The following EYS variants were observed in gnomAD, a reference collection of about 807,000 sequenced individuals.
EYS encodes the protein protein eyes shut homolog.
A neutral mutation model predicts 282.1 loss-of-function variants in EYS; 250 were observed. That is an observed-to-expected ratio of 0.89 (90% confidence interval 0.80 to 0.98). The LOEUF (loss-of-function observed/expected upper bound fraction) is 0.98. Among genes scored for constraint, EYS ranks in the 50% least tolerant of loss-of-function variants. EYS has a pLI of 0.00. For synonymous variants in EYS, 1,355 were observed against 1,282.9 expected, an observed-to-expected ratio of 1.06 and a Z score of -1.20; for missense variants, 4,016 against 3,709.0, an observed-to-expected ratio of 1.08 and a Z score of -2.15.
At chr6:63,769,939 T>C (rs1769889832) in intron 40 of EYS, among the ~76,000 whole-genome samples, 1 of 152,066 alleles carries the variant, frequency 6.6e-6, no homozygotes, top group Non-Finnish European at 1.5e-5. Flanking sequence ...ATCATTCACT[T>C]ACTAAACATT....
intron 10 of EYS, among the ~76,000 whole-genome samples, chr6:65,336,319 A>G (rs771991250): frequency 2.6e-5 from 4 of 151,594 alleles, no homozygotes; most frequent in Non-Finnish European, 4.4e-5. Flanking sequence ...GCTTTCATTT[A>G]TTTGTTGAAA....
intron 24 of EYS, among the ~76,000 whole-genome samples, chr6:64,611,662 G>A (rs1767120171): frequency 6.6e-6 from 1 of 152,108 alleles, no homozygotes; most frequent in African/African-American, 2.4e-5. Context: ...ACCCGAATAA[G>A]AGCATTATTG....
At chr6:63,979,091 A>G (rs114448922) in intron 35 of EYS, among the ~76,000 whole-genome samples, 3,448 of 152,076 alleles carry the variant, frequency 0.023, 102 homozygotes, top group African/African-American at 0.07. Context: ...TAGTTGAATA[A>G]CACTAATTTA....
intron 31 of EYS, among the ~76,000 whole-genome samples, chr6:64,196,460 C>T (rs998821160): frequency 4.6e-5 from 7 of 152,098 alleles, no homozygotes; most frequent in African/African-American, 1.7e-4. Context: ...TTTATTGTGG[C>T]ACTATTCACA....
chr6:64,546,544 T>G (rs1764875562), intron 26 of EYS, among the ~76,000 whole-genome samples: 1 of 152,118 alleles, frequency 6.6e-6, no homozygotes, highest in African/African-American at 2.4e-5. Flanking sequence ...ACTAAAGAGC[T>G]TCTGCCCAGC....
In EYS at chr6:65,069,590, C is replaced by G. The variant is rs1416291581; in HGVS notation, c.2024-11863G>C. Reference sequence around the variant, plus strand: ...GTTTTTTATCCTTTACTTTGTGTGTCTCTCGATGTAGCTTCTGTGGTTTTT... The same window carrying G: ...GTTTTTTATCCTTTACTTTGTGTGTGTCTCGATGTAGCTTCTGTGGTTTTT... On this transcript the variant is annotated intron_variant, in intron 12 of 42. Coordinates refer to ENST00000503581, the MANE Select transcript of EYS (RefSeq NM_001142800.2). 2.0e-5 allele frequency among the ~76,000 whole-genome samples: 3 copies of G among 151,944 alleles called. No individual in the cohort carries two copies. In the East Asian group the frequency reaches 5.8e-4, roughly 29 times the overall value.
intron 16 of EYS, among the ~76,000 whole-genome samples, chr6:64,905,407 A>C (rs1033269813): frequency 2.6e-5 from 4 of 152,320 alleles, no homozygotes; most frequent in South Asian, 4.1e-4. Flanking sequence ...ACTCAGAACT[A>C]TTCGGTTGGC....
intron 26 of EYS, among the ~76,000 whole-genome samples, chr6:64,576,559 G>T (rs565064040): frequency 1.3e-5 from 2 of 152,056 alleles, no homozygotes; most frequent in Admixed American, 6.6e-5. Context: ...TATGGGGAAA[G>T]GTCTTTAGAA....
intron 40 of EYS, among the ~76,000 whole-genome samples, chr6:63,768,674 C>T (rs1461491761): frequency 1.3e-5 from 2 of 151,768 alleles, no homozygotes; most frequent in Non-Finnish European, 2.9e-5. Flanking sequence ...GTGGAGATTT[C>T]TTAAAGAACT....
chr6:63,805,995 G>A (rs1312305150), intron 37 of EYS, among the ~76,000 whole-genome samples, 195 bp downstream of exon 37: 7 of 152,202 alleles, frequency 4.6e-5, no homozygotes, highest in African/African-American at 1.7e-4. Context: ...CTGATGCAAA[G>A]TAGAGCTTCA....
chr6:64,955,375 C>T (rs1026030451), intron 14 of EYS, among the ~76,000 whole-genome samples: 3 of 151,820 alleles, frequency 2.0e-5, no homozygotes, highest in African/African-American at 4.8e-5. Context: ...TTAGAAGAAT[C>T]GATATTGTTA....
At chr6:65,483,459 T>G (rs1319501201) in intron 5 of EYS, among the ~76,000 whole-genome samples, 1 of 152,108 alleles carries the variant, frequency 6.6e-6, no homozygotes, top group Non-Finnish European at 1.5e-5. Context: ...AATGGCTAAT[T>G]TTATAATAAT....
At chr6:64,777,880 A>G (rs1264305950) in intron 22 of EYS, among the ~76,000 whole-genome samples, 1 of 152,150 alleles carries the variant, frequency 6.6e-6, no homozygotes, top group African/African-American at 2.4e-5. Flanking sequence ...GTACATATTC[A>G]ATTCCAGTAG....
chr6:63,738,538 G>A (rs1768986747), intron 41 of EYS, among the ~76,000 whole-genome samples: 1 of 139,332 alleles, frequency 7.2e-6, no homozygotes, highest in African/African-American at 2.7e-5. Flanking sequence ...ATTGAACAAT[G>A]AGAACACATG....
At chr6:64,985,409 A>T (rs1482167832) in intron 14 of EYS, among the ~76,000 whole-genome samples, 5 of 151,538 alleles carry the variant, frequency 3.3e-5, no homozygotes, top group African/African-American at 4.8e-5. Flanking sequence ...TTGTCAGTCT[A>T]GACAATGAGG....
At chr6:65,243,092 CTGATTTGCAACAAAAAATAAACTT>C (rs966054287) in intron 12 of EYS, among the ~76,000 whole-genome samples, 2 of 69,206 alleles carry the variant, frequency 2.9e-5, no homozygotes, top group African/African-American at 2.4e-4. Flanking sequence ...AAAAAATAAA[CTGATTTGCAACAAAAAATAAACTT>C]AATTTTGTCA....
intron 5 of EYS, among the ~76,000 whole-genome samples, chr6:65,451,063 C>A (rs569662047): frequency 6.6e-6 from 1 of 152,104 alleles, no homozygotes; most frequent in Admixed American, 6.6e-5. Flanking sequence ...TAATTATAAA[C>A]TACTGGTATT....
chr6:64,900,678 G>A (rs143271448), intron 18 of EYS, among the ~76,000 whole-genome samples: 1 of 152,118 alleles, frequency 6.6e-6, no homozygotes, highest in East Asian at 1.9e-4. Context: ...AAACCACAAT[G>A]AGATGCCATC....
At chr6:64,255,983 C>T (rs374070470) in intron 30 of EYS, among the ~76,000 whole-genome samples, 265 of 152,020 alleles carry the variant, frequency 1.7e-3, no homozygotes, top group African/African-American at 6.1e-3. Flanking sequence ...TGTATATTTC[C>T]ATGTGCGACT....
Sources: allele counts gnomAD v4.1 joint callset (sites outside exome capture counted in the v4.1 genomes callset), GRCh38; gene constraint gnomAD v4.1.1; transcripts MANE v1.5; gene names NCBI Gene and HGNC (gene_info 2026-07-23, HGNC 2026-07-21).